Variants in NLGN4X observed in about 807,000 individuals in gnomAD.
The protein encoded by NLGN4X is neuroligin-4, X-linked.
NLGN4X carries 3 observed loss-of-function variants against 40.3 expected under a neutral mutation model. That is an observed-to-expected ratio of 0.07 (90% CI 0.03 to 0.19). The LOEUF is 0.19. NLGN4X is among the 10% of genes least tolerant of loss of function. The probability of loss-of-function intolerance (pLI) is 1.00; values close to 1 mark genes in which losing one functional copy is unlikely to be tolerated. For missense variants in NLGN4X, 382 were observed against 708.3 expected (o/e 0.54, Z 5.23); for synonymous variants, 270 against 306.8 (o/e 0.88, Z 1.25).
At chrX:5,903,033 C>T in intron 5 of NLGN4X, 44 bp downstream of exon 5, 2 of 1,202,604 alleles carry the variant, frequency 1.7e-6, no homozygotes, top group Non-Finnish European at 2.3e-6. Context: ...AGGACACAAA[C>T]AAGTGGCAAG....
intron 1 of NLGN4X, among the ~76,000 whole-genome samples, chrX:6,174,803 G>C (rs1259780111): frequency 1.8e-5 from 2 of 111,513 alleles, no homozygotes; most frequent in Admixed American, 9.5e-5. Context: ...GAAGTGAGTA[G>C]GGTGAGGACT....
At chrX:6,162,504 C>T (rs2040420672) in intron 1 of NLGN4X, among the ~76,000 whole-genome samples, 1 of 111,765 alleles carries the variant, frequency 8.9e-6, no homozygotes, top group African/African-American at 3.3e-5. Context: ...TCTAAGTCTA[C>T]ATCTTTCTCC....
chrX:6,117,095 T>A lies in NLGN4X; in HGVS notation c.472+33900A>T, dbSNP rs978436806. Among the ~76,000 whole-genome samples, 5 of 111,447 alleles carry A rather than the reference T, an allele frequency of 4.5e-5. No homozygotes were observed. The Admixed American group carries it at 4.7e-4, about 11-fold the overall frequency. On this transcript the variant is annotated intron_variant, in intron 2 of 5. Coordinates refer to ENST00000381095, the MANE Select transcript of NLGN4X (RefSeq NM_181332.3). ...ACCTTATGGGAATTGGCCAGTTTTG[T>A]GGGATTAGCCATTCATCTTAAGGAG...
At chrX:6,117,948 T>C (rs748668410) in intron 2 of NLGN4X, among the ~76,000 whole-genome samples, 5 of 105,953 alleles carry the variant, frequency 4.7e-5, no homozygotes, top group Non-Finnish European at 9.7e-5. Flanking sequence ...AGGTGCAACA[T>C]AAGAGAAAAA....
rs1213595574 is a variant in NLGN4X, at chrX:5,892,019, G to A, written c.*798C>T. 3.0e-5 allele frequency: 4 copies of A among 135,028 alleles called. No individual in the cohort carries two copies. The highest frequency in any genetic ancestry group is 5.7e-5 in the Non-Finnish European group (4 of 70,221). The allele number at this position is 135,028 out of a possible 1,213,427, so 11.1% of individuals were successfully genotyped here. A position where few individuals can be genotyped will look rare whatever the true frequency, so the allele number is the denominator to read the frequency against. On this transcript the variant is annotated 3_prime_UTR_variant, in exon 6 of 6. Coordinates refer to ENST00000381095, the MANE Select transcript of NLGN4X (RefSeq NM_181332.3). ...CTCTTTTGTTGGGGAGGAAACAGAG[G>A]TGATATGACTAATGTGTGTGTGTGT...
chrX:5,953,439 T>A (rs1356359176), intron 3 of NLGN4X, among the ~76,000 whole-genome samples: 1 of 111,750 alleles, frequency 8.9e-6, no homozygotes. Flanking sequence ...ATCTGTTGTA[T>A]ATTTTAAAAT....
chrX:6,093,837 ATTC>A (rs2038696987), intron 2 of NLGN4X, among the ~76,000 whole-genome samples: 1 of 112,012 alleles, frequency 8.9e-6, no homozygotes, highest in Admixed American at 9.5e-5. Flanking sequence ...AAAATATTTC[ATTC>A]TTCAAGGAGA....
intron 2 of NLGN4X, among the ~76,000 whole-genome samples, chrX:6,096,488 T>A (rs1046027051): frequency 7.2e-5 from 8 of 111,533 alleles, no homozygotes; most frequent in Non-Finnish European, 1.9e-5. Flanking sequence ...TAAAAAAAAA[T>A]AATGGTACAA....
intron 1 of NLGN4X, among the ~76,000 whole-genome samples, chrX:6,208,441 C>T (rs1318954265): frequency 2.7e-5 from 3 of 112,324 alleles, no homozygotes; most frequent in Non-Finnish European, 5.6e-5. Context: ...ATCCGATTCT[C>T]ATTACAATTG....
chrX:6,032,589 T>TA, intron 2 of NLGN4X: 1 of 485,579 alleles, frequency 2.1e-6, no homozygotes, highest in Non-Finnish European at 3.1e-6. Context: ...GTACTAGTTT[T>TA]AAATAAGGGG....
chrX:5,903,073 G>A lies in NLGN4X; in HGVS notation c.1601+4C>T, dbSNP rs183715647. The stretch of plus-strand genomic sequence containing the variant: ...GTGATACCCCAACACGAAGATGAAC[G>A]TACCCAGTTTTGGCGAAGTTCGTCC... On this transcript the variant is annotated splice_donor_region_variant and intron_variant, in intron 5 of 5. Coordinates refer to ENST00000381095, the MANE Select transcript of NLGN4X (RefSeq NM_181332.3). The A allele has an allele frequency of 2.4e-5, 29 of 1,210,187 alleles. No homozygotes were observed. The highest frequency in any genetic ancestry group is 5.3e-5 in the South Asian group (3 of 56,803).
At chrX:6,033,136 G>A (rs1256044032) in intron 2 of NLGN4X, among the ~76,000 whole-genome samples, 8 of 111,654 alleles carry the variant, frequency 7.2e-5, no homozygotes, top group Non-Finnish European at 9.4e-5. Flanking sequence ...TGCTTATGGC[G>A]TATTCAATGG....
intron 1 of NLGN4X, among the ~76,000 whole-genome samples, chrX:6,219,857 A>G (rs943463225): frequency 5.3e-5 from 6 of 112,356 alleles, no homozygotes; most frequent in African/African-American, 1.9e-4. Flanking sequence ...AGAATTTCCC[A>G]CATGCCATAT....
At chrX:6,173,016 C>T (rs963002337) in intron 1 of NLGN4X, among the ~76,000 whole-genome samples, 1 of 112,266 alleles carries the variant, frequency 8.9e-6, no homozygotes, top group Non-Finnish European at 1.9e-5. Context: ...ACTCCACTCT[C>T]TGATGTCTGT....
At chrX:6,021,039 TCTCTCTCTCCCTCC>T (rs2036524737) in intron 3 of NLGN4X, among the ~76,000 whole-genome samples, 1 of 30,685 alleles carries the variant, frequency 3.3e-5, no homozygotes, top group Non-Finnish European at 7.8e-5. Flanking sequence ...TCTCTCTCTC[TCTCTCTCTCCCTCC>T]CTCCCTCCCT....
At chrX:6,032,171 GA>G (rs1234984284) in intron 2 of NLGN4X, among the ~76,000 whole-genome samples, 1 of 91,892 alleles carries the variant, frequency 1.1e-5, no homozygotes, top group African/African-American at 4.3e-5. Flanking sequence ...CAGATTATCA[GA>G]AATCTATGTT....
chrX:6,207,055 T>TACAC (rs371238129), intron 1 of NLGN4X, among the ~76,000 whole-genome samples: 1 of 106,532 alleles, frequency 9.4e-6, no homozygotes, highest in African/African-American at 3.4e-5. Context: ...CACACACACA[T>TACAC]ACACACACAC....
At chrX:6,073,574 G>A (rs1274368196) in intron 2 of NLGN4X, among the ~76,000 whole-genome samples, 2 of 111,532 alleles carry the variant, frequency 1.8e-5, no homozygotes, top group Non-Finnish European at 3.8e-5. Flanking sequence ...TGTGATGAAG[G>A]AGGAAGATTA....
intron 3 of NLGN4X, among the ~76,000 whole-genome samples, chrX:6,017,146 T>A (rs142176161): frequency 0.016 from 1,733 of 110,999 alleles, 29 homozygotes; most frequent in African/African-American, 0.053. Context: ...AAAATAGGAG[T>A]TGGAGATAAG....
Sources: allele counts gnomAD v4.1 joint callset (sites outside exome capture counted in the v4.1 genomes callset), GRCh38; gene constraint gnomAD v4.1.1; transcripts MANE v1.5; gene names NCBI Gene and HGNC (gene_info 2026-07-23, HGNC 2026-07-21).